Variants in ZPLD1 observed in about 807,000 individuals in gnomAD.
ZPLD1 encodes zona pellucida like domain containing 1.
In ZPLD1, 34 loss-of-function variants were observed where a neutral mutation model predicts 47.2. The ratio of observed to expected loss-of-function variants is 0.72; its 90% CI spans 0.55 to 0.96. ZPLD1 has a LOEUF of 0.96. Among genes scored for constraint, ZPLD1 ranks in the 40% least tolerant of loss-of-function variants. The pLI is 0.00. For synonymous variants in ZPLD1, 176 were observed against 186.2 expected (o/e 0.95, Z 0.45); for missense variants, 512 against 505.8 (o/e 1.01, Z -0.12).
chr3:102,433,136 GAC>G (rs1339179882), upstream of ZPLD1, among the ~76,000 whole-genome samples: 1 of 152,162 alleles, frequency 6.6e-6, no homozygotes, highest in African/African-American at 2.4e-5. Context: ...GAGAGTACCA[GAC>G]ACATATAAAC....
At chr3:102,442,720 G>A (rs1390015777) in intron 3 of ZPLD1, among the ~76,000 whole-genome samples, 1 of 148,904 alleles carries the variant, frequency 6.7e-6, no homozygotes, top group Non-Finnish European at 1.5e-5. Context: ...TAATAATGAT[G>A]AGAGCAATCA....
At chr3:102,430,773 A>G (rs1021499755), upstream of ZPLD1, among the ~76,000 whole-genome samples, 3 of 152,202 alleles carry the variant, frequency 2.0e-5, no homozygotes, top group Non-Finnish European at 4.4e-5. Flanking sequence ...GTGCCTTCTC[A>G]TAAATATTTT....
chr3:102,409,765 A>T (rs1467717762), intron 7 of ZPLD1, among the ~76,000 whole-genome samples: 1 of 151,764 alleles, frequency 6.6e-6, no homozygotes, highest in African/African-American at 2.4e-5. Flanking sequence ...AAAGCTGTTT[A>T]TTTTAGTAAT....
chr3:102,457,599 T>C (rs1166489755), intron 5 of ZPLD1, among the ~76,000 whole-genome samples, 182 bp from the exon 6 acceptor site: 2 of 152,238 alleles, frequency 1.3e-5, no homozygotes, highest in African/African-American at 4.8e-5. Flanking sequence ...TTGTCTTTAC[T>C]TGTTCCCTCT....
intron 10 of ZPLD1, among the ~76,000 whole-genome samples, chr3:102,474,955 CCCTTT>C (rs2107360257): frequency 6.6e-6 from 1 of 152,144 alleles, no homozygotes; most frequent in Admixed American, 6.6e-5. Context: ...TGTCTACCTT[CCCTTT>C]CAAGGCTATA....
intron 8 of ZPLD1, among the ~76,000 whole-genome samples, chr3:102,427,394 A>G (rs1706961538): frequency 6.6e-6 from 1 of 152,134 alleles, no homozygotes. Context: ...CTCTTATACA[A>G]TGACCAGAGG....
rs1230322877 is a variant in ZPLD1, at chr3:102,479,299, A to G, written c.*1681A>G. ...TTATCTGTGTTAACATGATTAACTG[A>G]CCATACTACTAATGTGACCCTGTAT... On this transcript the variant is annotated 3_prime_UTR_variant, in exon 12 of 12. Transcript: ENST00000466937. 6.6e-6 allele frequency: 1 copy of G among 152,232 alleles called. No individual in the cohort carries two copies. Among genetic ancestry groups the G allele is most frequent in the African/African-American group, 2.4e-5 (1 of 41,476 alleles). The allele number at this position is 152,232 out of a possible 1,614,324, so 9.4% of individuals were successfully genotyped here. A position where few individuals can be genotyped will look rare whatever the true frequency, so the allele number is the denominator to read the frequency against.
chr3:102,456,152 A>G, intron 4 of ZPLD1, 41 bp from the exon 5 acceptor site: 7 of 1,558,150 alleles, frequency 4.5e-6, no homozygotes, highest in Middle Eastern at 1.7e-4. Context: ...AGATGTATAT[A>G]TAGCCATTTA....
intron 2 of ZPLD1, 78 bp from the exon 3 acceptor site, chr3:102,438,402 A>G (rs1707122572): frequency 1.0e-6 from 1 of 1,001,540 alleles, no homozygotes; most frequent in African/African-American, 1.6e-5. Flanking sequence ...GTGAGCTGAG[A>G]TCAGCCTCAG....
chr3:102,388,062 G>C (rs1045613283), intron 6 of ZPLD1, among the ~76,000 whole-genome samples: 2 of 151,716 alleles, frequency 1.3e-5, no homozygotes, highest in South Asian at 2.1e-4. Flanking sequence ...GGGTTTCACC[G>C]TGTTAGCCAG....
chr3:102,475,804 T>G (rs1707750750), intron 10 of ZPLD1, among the ~76,000 whole-genome samples: 1 of 152,154 alleles, frequency 6.6e-6, no homozygotes, highest in African/African-American at 2.4e-5. Context: ...AGAACCATCG[T>G]TTCTGCCAAG....
intron 7 of ZPLD1, among the ~76,000 whole-genome samples, chr3:102,404,069 GC>G (rs2107293804): frequency 6.6e-6 from 1 of 151,986 alleles, no homozygotes; most frequent in Non-Finnish European, 1.5e-5. Context: ...TTATAATTCT[GC>G]AGAAAACTGC....
intron 7 of ZPLD1, among the ~76,000 whole-genome samples, chr3:102,403,809 A>G (rs1351135985): frequency 6.6e-6 from 1 of 151,926 alleles, no homozygotes; most frequent in Admixed American, 6.6e-5. Context: ...GTGAATTGAG[A>G]AGGTTCTACT....
chr3:102,470,738 AC>A (rs2107355721), intron 10 of ZPLD1, among the ~76,000 whole-genome samples: 1 of 151,862 alleles, frequency 6.6e-6, no homozygotes, highest in Admixed American at 6.6e-5. Context: ...ACACACACAC[AC>A]ACACACACGC....
intron 10 of ZPLD1, among the ~76,000 whole-genome samples, chr3:102,471,717 C>T (rs1177263304): frequency 6.6e-6 from 1 of 152,172 alleles, no homozygotes; most frequent in African/African-American, 2.4e-5. Context: ...TTTGTTCTAA[C>T]ATGCTATGCG....
chr3:102,454,406 C>T (rs755899439), intron 4 of ZPLD1, among the ~76,000 whole-genome samples: 17 of 152,168 alleles, frequency 1.1e-4, no homozygotes, highest in Non-Finnish European at 2.1e-4. Context: ...AGCAGCATTT[C>T]CCTGTCTCCC....
At chr3:102,430,145 C>T (rs933089048), upstream of ZPLD1, among the ~76,000 whole-genome samples, 11 of 152,170 alleles carry the variant, frequency 7.2e-5, no homozygotes, top group Non-Finnish European at 1.5e-4. Flanking sequence ...CCTCCTAGCT[C>T]AGGATGATGG....
At chr3:102,388,727 T>C (rs1025378936) in intron 6 of ZPLD1, among the ~76,000 whole-genome samples, 1 of 152,184 alleles carries the variant, frequency 6.6e-6, no homozygotes. Context: ...CAGTGGTTTT[T>C]GATAGGTTTA....
chr3:102,457,339 T>C (rs1707432894), intron 5 of ZPLD1, among the ~76,000 whole-genome samples: 1 of 152,148 alleles, frequency 6.6e-6, no homozygotes, highest in South Asian at 2.1e-4. Context: ...CTGAACACAT[T>C]CTTGAGTTTC....
Sources: gnomAD v4.1 joint callset for allele counts (sites outside exome capture counted in the v4.1 genomes callset) on GRCh38, gnomAD v4.1.1 for gene constraint, MANE v1.5 for transcripts, NCBI Gene and HGNC (gene_info 2026-07-23, HGNC 2026-07-21) for gene names.